The following SLC7A1 variants were observed in gnomAD, a reference collection of about 807,000 sequenced individuals.
SLC7A1 encodes the protein solute carrier family 7 member 1.
In SLC7A1, 10 loss-of-function variants were observed where a neutral mutation model predicts 53.9. The ratio of observed to expected loss-of-function variants is 0.19; its 90% confidence interval spans 0.11 to 0.31. The LOEUF (loss-of-function observed/expected upper bound fraction) is 0.31. SLC7A1 is among the 10% of genes least tolerant of loss of function. The pLI is 1.00. For missense variants in SLC7A1, 525 were observed against 827.2 expected (o/e 0.63, Z 4.48); for synonymous variants, 342 against 338.7 (o/e 1.01, Z -0.11).
At chr13:29,524,020 A>C in intron 6 of SLC7A1, 112 bp downstream of exon 6, 2 of 1,009,674 alleles carry the variant, frequency 2.0e-6, no homozygotes, top group Non-Finnish European at 3.0e-6. Context: ...CATGTTGCTC[A>C]TGTGTGAAAG....
intron 1 of SLC7A1, among the ~76,000 whole-genome samples, chr13:29,561,468 C>G (rs1435577250): frequency 6.6e-6 from 1 of 152,186 alleles, no homozygotes; most frequent in Non-Finnish European, 1.5e-5. Context: ...GCCCAGGCAG[C>G]TCCCGAGGGG....
At chr13:29,591,261 C>T (rs1398566274) in intron 1 of SLC7A1, among the ~76,000 whole-genome samples, 1 of 152,122 alleles carries the variant, frequency 6.6e-6, no homozygotes, top group East Asian at 1.9e-4. Context: ...TCCTCTCAGT[C>T]CTATAAAGTA....
intron 4 of SLC7A1, 53 bp downstream of exon 4, chr13:29,532,771 C>A: frequency 1.3e-6 from 2 of 1,507,776 alleles, no homozygotes; most frequent in Non-Finnish European, 1.8e-6. Context: ...GAGCCTCTCA[C>A]CAAACCTTTG....
chr13:29,587,773 C>T (rs1410338986), intron 1 of SLC7A1, among the ~76,000 whole-genome samples: 1 of 152,254 alleles, frequency 6.6e-6, no homozygotes, highest in Non-Finnish European at 1.5e-5. Context: ...CGGTGGGCAC[C>T]TGCCCAAGGG....
intron 1 of SLC7A1, among the ~76,000 whole-genome samples, chr13:29,592,195 G>A (rs1566280787): frequency 6.6e-6 from 1 of 151,942 alleles, no homozygotes; most frequent in Non-Finnish European, 1.5e-5. Context: ...TCTTCCCTCA[G>A]TCACACGGCT....
intron 1 of SLC7A1, among the ~76,000 whole-genome samples, chr13:29,560,461 ATATAT>A (rs532369571): frequency 4.2e-4 from 63 of 150,266 alleles, no homozygotes; most frequent in African/African-American, 1.4e-3. Flanking sequence ...ATATACATAC[ATATAT>A]TACATTAATT....
At position 29,511,451 on chromosome 13, in the gene SLC7A1, T is replaced by G. The variant is rs1326137537; in HGVS notation, c.*3029A>C. 2 of 152,306 alleles carry G rather than the reference T, an allele frequency of 1.3e-5. No individual in the cohort carries two copies. The highest frequency in any genetic ancestry group is 3.9e-4 in the East Asian group (2 of 5,182). 9.4% of individuals were successfully genotyped at this position (152,306 alleles called of 1,614,324 possible). A position where few individuals can be genotyped will look rare whatever the true frequency, so the allele number is the denominator to read the frequency against. On this transcript the variant is annotated 3_prime_UTR_variant, in exon 13 of 13. Transcript: ENST00000380752. ...ATGCATCTATCACTGTCCTCTTGATTTGGAAAAATAAATCCGATGCATAAA... is the reference window on the plus strand; with the variant it reads ...ATGCATCTATCACTGTCCTCTTGATGTGGAAAAATAAATCCGATGCATAAA...
chr13:29,515,424 T>C (rs1017696191), intron 12 of SLC7A1, among the ~76,000 whole-genome samples: 2 of 152,194 alleles, frequency 1.3e-5, no homozygotes, highest in Non-Finnish European at 2.9e-5. Context: ...GGCCGCAAAG[T>C]ATTTCCTGGA....
intron 1 of SLC7A1, chr13:29,586,823 G>A (rs1015439049): frequency 3.3e-5 from 5 of 152,222 alleles, no homozygotes; most frequent in African/African-American, 1.2e-4. Context: ...CCCTTTATAA[G>A]CCCCACTCCC....
intron 1 of SLC7A1, among the ~76,000 whole-genome samples, chr13:29,583,412 C>G (rs1272317511): frequency 6.6e-6 from 1 of 152,230 alleles, no homozygotes; most frequent in African/African-American, 2.4e-5. Flanking sequence ...TTCCTTCACA[C>G]AGCAGGACAC....
At chr13:29,519,681 C>T in intron 8 of SLC7A1, 132 bp from the exon 9 acceptor site, 2 of 576,318 alleles carry the variant, frequency 3.5e-6, no homozygotes, top group Non-Finnish European at 6.3e-6. Context: ...CTGGCCTTCC[C>T]ATGGAAAGAC....
intron 1 of SLC7A1, among the ~76,000 whole-genome samples, chr13:29,587,948 C>T (rs913648120): frequency 6.6e-6 from 1 of 152,214 alleles, no homozygotes; most frequent in Non-Finnish European, 1.5e-5. Flanking sequence ...GTCTTTCCAC[C>T]ACCTTTCTGG....
chr13:29,514,891 C>T (rs1434085075), intron 12 of SLC7A1, among the ~76,000 whole-genome samples: 4 of 152,178 alleles, frequency 2.6e-5, no homozygotes, highest in African/African-American at 9.7e-5. Flanking sequence ...TTCAGCTTAG[C>T]CCCCTGATGC....
At chr13:29,583,895 A>G (rs1871761145) in intron 1 of SLC7A1, among the ~76,000 whole-genome samples, 3 of 152,218 alleles carry the variant, frequency 2.0e-5, no homozygotes, top group African/African-American at 7.2e-5. Context: ...AATCTGAAAA[A>G]AGAAATGTCT....
At chr13:29,583,965 G>A (rs184698006) in intron 1 of SLC7A1, among the ~76,000 whole-genome samples, 1 of 152,176 alleles carries the variant, frequency 6.6e-6, no homozygotes, top group Non-Finnish European at 1.5e-5. Context: ...GAAACTGTGA[G>A]GTTATAGATT....
chr13:29,574,609 T>G (rs1269224248), intron 1 of SLC7A1, among the ~76,000 whole-genome samples: 1 of 151,224 alleles, frequency 6.6e-6, no homozygotes, highest in Admixed American at 6.6e-5. Flanking sequence ...GGGTAAACCT[T>G]AACATTTCGT....
At chr13:29,568,082 A>G (rs575278423) in intron 1 of SLC7A1, among the ~76,000 whole-genome samples, 3 of 152,188 alleles carry the variant, frequency 2.0e-5, no homozygotes, top group Non-Finnish European at 4.4e-5. Flanking sequence ...CTCTAAACTT[A>G]CACAAAACTT....
intron 1 of SLC7A1, among the ~76,000 whole-genome samples, chr13:29,567,699 G>A (rs765575257): frequency 1.2e-4 from 19 of 152,158 alleles, no homozygotes; most frequent in Non-Finnish European, 2.4e-4. Context: ...CAGTGCGGCA[G>A]TTCTAAAGAA....
chr13:29,591,854 C>T (rs574993725), intron 1 of SLC7A1, among the ~76,000 whole-genome samples: 86 of 152,290 alleles, frequency 5.6e-4, no homozygotes, highest in African/African-American at 2.0e-3. Context: ...TTTTTGGTTG[C>T]CGTGGTCAGA....
Sources: gnomAD v4.1 joint callset for allele counts (sites outside exome capture counted in the v4.1 genomes callset) on GRCh38, gnomAD v4.1.1 for gene constraint, MANE v1.5 for transcripts, NCBI Gene and HGNC (gene_info 2026-07-23, HGNC 2026-07-21) for gene names.